Variants in KCNT1 observed in about 807,000 individuals in gnomAD.
KCNT1 encodes the protein potassium sodium-activated channel subfamily T member 1.
A neutral mutation model predicts 147.8 loss-of-function variants in KCNT1; 78 were observed. The observed-to-expected ratio is 0.53, with a 90% CI of 0.44 to 0.64. The LOEUF (loss-of-function observed/expected upper bound fraction) is 0.64, where lower values mean the gene tolerates loss of function less well. Among genes scored for constraint, KCNT1 ranks in the 30% least tolerant of loss-of-function variants. KCNT1 has a pLI of 0.00. For missense variants in KCNT1, 1,419 were observed against 1,750.3 expected (o/e 0.81, Z 3.38); for synonymous variants, 867 against 748.8 (o/e 1.16, Z -2.58).
At chr9:135,709,970 T>G (rs1380051341) in intron 1 of KCNT1, among the ~76,000 whole-genome samples, 1 of 152,238 alleles carries the variant, frequency 6.6e-6, no homozygotes, top group Admixed American at 6.5e-5. Flanking sequence ...CTTGAGCCAC[T>G]GCACCCGGCC....
intron 23 of KCNT1, 81 bp downstream of exon 23, chr9:135,778,903 A>G: frequency 6.6e-7 from 1 of 1,513,552 alleles, no homozygotes; most frequent in Non-Finnish European, 8.9e-7. Flanking sequence ...CCCCACAGCC[A>G]CGACCACGGG....
chr9:135,702,311 G>C lies in KCNT1; in HGVS notation c.53G>C (p.Arg18Pro). The change falls in exon 1 of 31, where the codon CGC (arginine) becomes CCC (proline). Residue 18 changes from arginine to proline, a missense_variant. Arg to Pro is a moderately radical substitution (Grantham distance 103, BLOSUM62 -2). Transcript: ENST00000371757. ...RTPGGVCREARGGGYTNRTFE... is the reference protein window; with the variant it reads ...RTPGGVCREAPGGGYTNRTFE... ...CCGGGGGGCGTCTGCCGGGAGGCGC[G>C]CGGCGGGGGCTACACCAACCGGACC... The C allele has an allele frequency of 6.2e-7, 1 of 1,610,650 alleles. No homozygotes were observed. Among genetic ancestry groups the C allele is most frequent in the Admixed American group, 1.7e-5 (1 of 59,924 alleles).
At chr9:135,785,620 A>G (rs1482846995) in intron 28 of KCNT1, 2 of 585,416 alleles carry the variant, frequency 3.4e-6, no homozygotes, top group South Asian at 3.9e-5. Context: ...CAAGGCAGGC[A>G]GCCCCCATGC....
chr9:135,710,655 G>A (rs1438188053), intron 1 of KCNT1, among the ~76,000 whole-genome samples: 1 of 152,220 alleles, frequency 6.6e-6, no homozygotes, highest in Non-Finnish European at 1.5e-5. Context: ...ACCGCAGAGT[G>A]TCAGCTGCTG....
At chr9:135,723,069 C>T (rs375855802) in intron 2 of KCNT1, among the ~76,000 whole-genome samples, 24 of 152,246 alleles carry the variant, frequency 1.6e-4, no homozygotes, top group South Asian at 1.4e-3. Flanking sequence ...TCCTCTCCAG[C>T]GCTCATCACA....
At chr9:135,775,495 G>A in intron 20 of KCNT1, 80 bp downstream of exon 20, 1 of 1,078,250 alleles carries the variant, frequency 9.3e-7, no homozygotes, top group Non-Finnish European at 1.3e-6. Context: ...GTTTCTCTTT[G>A]GTCACTTTAC....
chr9:135,779,042 C>T (rs971950389), intron 23 of KCNT1, among the ~76,000 whole-genome samples: 24 of 140,568 alleles, frequency 1.7e-4, no homozygotes, highest in African/African-American at 6.2e-4. Context: ...GAAACCCCCA[C>T]AACCACAGCC....
chr9:135,740,605 C>G (rs1302166269), intron 2 of KCNT1, among the ~76,000 whole-genome samples: 2 of 152,238 alleles, frequency 1.3e-5, no homozygotes, highest in Non-Finnish European at 2.9e-5. Context: ...AGGGCTAAGC[C>G]CAGATCCTTC....
chr9:135,751,707 T>C (rs554791805), intron 4 of KCNT1, among the ~76,000 whole-genome samples: 2 of 152,172 alleles, frequency 1.3e-5, no homozygotes, highest in Non-Finnish European at 2.9e-5. Flanking sequence ...CCTGCTCACC[T>C]CTGTGTGGGT....
intron 11 of KCNT1, 35 bp downstream of exon 11, chr9:135,759,894 A>T: frequency 1.9e-6 from 3 of 1,558,364 alleles, no homozygotes; most frequent in Non-Finnish European, 2.6e-6. Flanking sequence ...GGGTGGCACC[A>T]GCAAAGGGAC....
chr9:135,708,950 G>C (rs1165074952), intron 1 of KCNT1, among the ~76,000 whole-genome samples: 1 of 152,200 alleles, frequency 6.6e-6, no homozygotes, highest in Non-Finnish European at 1.5e-5. Context: ...GCCCCACCCG[G>C]GGCAGAAATA....
chr9:135,757,131 G>T, intron 7 of KCNT1, 25 bp from the exon 8 acceptor site: 1 of 382,244 alleles, frequency 2.6e-6, no homozygotes, highest in Non-Finnish European at 3.5e-6. Context: ...CATCGCCCCC[G>T]CTGATACCCC....
intron 2 of KCNT1, among the ~76,000 whole-genome samples, chr9:135,732,650 T>C (rs1033008036): frequency 6.6e-6 from 1 of 152,182 alleles, no homozygotes; most frequent in African/African-American, 2.4e-5. Context: ...CTTGTCCTTA[T>C]CAAGTTGACA....
chr9:135,710,189 C>T (rs890310591), intron 1 of KCNT1, among the ~76,000 whole-genome samples: 7 of 152,198 alleles, frequency 4.6e-5, no homozygotes, highest in Admixed American at 3.9e-4. Context: ...TTTTGGGTTT[C>T]GTGTATTAAA....
chr9:135,778,799 C>T lies in KCNT1; in HGVS notation c.2706C>T (p.Ile902=), dbSNP rs934780855. 5.0e-6 allele frequency: 8 copies of T among 1,613,712 alleles called. No individual in the cohort carries two copies. Among genetic ancestry groups the T allele is most frequent in the Middle Eastern group, 1.6e-4 (1 of 6,082 alleles). ...EEDYMADAKT[I]VNVQTMFRLF... is the part of the protein sequence containing the mutation. ...ACTACATGGCGGACGCCAAGACCAT[C>T]GTCAACGTGCAGACCATGTTCCGGT... Residue 902 remains isoleucine, a synonymous_variant, in exon 23 of 31, where the codon ATC becomes ATT. Coordinates refer to ENST00000371757, the MANE Select transcript of KCNT1 (RefSeq NM_020822.3).
chr9:135,720,171 CT>C (rs1835869480), intron 2 of KCNT1, among the ~76,000 whole-genome samples: 1 of 151,978 alleles, frequency 6.6e-6, no homozygotes, highest in Non-Finnish European at 1.5e-5. Context: ...CCTGGCCCTG[CT>C]GGATGCACCC....
At position 135,714,456 on chromosome 9, in the gene KCNT1, C is replaced by G. The variant is rs1341550581; in HGVS notation, c.111-121C>G. The G allele has an allele frequency of 3.2e-6, 2 of 632,272 alleles. No individual in the cohort carries two copies. The highest frequency in any genetic ancestry group is 2.0e-6 in the Non-Finnish European group (1 of 510,596). The allele number at this position is 632,272 out of a possible 1,614,324, so 39.2% of individuals were successfully genotyped here. ...GCCCGCCCCCGCCCGGCCGCCCGCCCGCCCGGTGGGTCGCGGTGGCCGCGG... is the reference window on the plus strand; with the variant it reads ...GCCCGCCCCCGCCCGGCCGCCCGCCGGCCCGGTGGGTCGCGGTGGCCGCGG... On this transcript the variant is annotated intron_variant, in intron 1 of 30. Transcript: ENST00000371757. The surrounding 1 kb of genome is among the most constrained non-coding windows in gnomAD (Gnocchi z 6.2).
intron 1 of KCNT1, among the ~76,000 whole-genome samples, chr9:135,706,839 T>C (rs144878883): frequency 0.017 from 2,638 of 152,146 alleles, 55 homozygotes; most frequent in Middle Eastern, 0.061. Context: ...GGAGCGCCAG[T>C]GAGTTGGTCA....
chr9:135,728,568 G>A (rs1404725903), intron 2 of KCNT1, among the ~76,000 whole-genome samples: 1 of 152,202 alleles, frequency 6.6e-6, no homozygotes, highest in African/African-American at 2.4e-5. Context: ...GAAGTGGGAG[G>A]CATCTCCCCA....
Sources: allele counts gnomAD v4.1 joint callset (sites outside exome capture counted in the v4.1 genomes callset), GRCh38; gene constraint gnomAD v4.1.1; non-coding constraint Gnocchi (gnomAD v3.1); transcripts MANE v1.5; gene names NCBI Gene and HGNC (gene_info 2026-07-23, HGNC 2026-07-21).